PREPL: variants seen among roughly 807,000 people sequenced by gnomAD.
PREPL encodes prolyl endopeptidase like, also known as prolyl endopeptidase-like.
A neutral mutation model predicts 70.6 loss-of-function variants in PREPL; 77 were observed. That is an observed-to-expected ratio of 1.09 (90% CI 0.91 to 1.32). The LOEUF is 1.32. PREPL is among the 40% of genes most tolerant of loss of function. The probability of loss-of-function intolerance (pLI) is 0.00; values close to 1 mark genes in which losing one functional copy is unlikely to be tolerated. For synonymous variants in PREPL, 315 were observed against 264.8 expected, an observed-to-expected ratio of 1.19 and a Z score of -1.84; for missense variants, 1,002 against 778.2, an observed-to-expected ratio of 1.29 and a Z score of -3.42.
At chr2:44,343,540 A>T (rs758765680) in intron 4 of PREPL, among the ~76,000 whole-genome samples, 73 of 151,890 alleles carry the variant, frequency 4.8e-4, no homozygotes, top group Non-Finnish European at 7.4e-4. Flanking sequence ...TTTTAAAAAC[A>T]TGAGTATTTT....
In PREPL at chr2:44,317,717, A is replaced by G. The variant is rs1218366844; in HGVS notation, c.*3639T>C. 2 of 152,444 alleles carry G rather than the reference A, an allele frequency of 1.3e-5. No individual in the cohort carries two copies. The highest frequency in any genetic ancestry group is 2.9e-5 in the Non-Finnish European group (2 of 68,212). The allele number at this position is 152,444 out of a possible 1,614,324, so 9.4% of individuals were successfully genotyped here. A position where few individuals can be genotyped will look rare whatever the true frequency, so the allele number is the denominator to read the frequency against. ...AATATAACAATTTTCAAATTTTCAA[A>G]GAATACTAGAAGAAAAAAATTATAC... On this transcript the variant is annotated 3_prime_UTR_variant, in exon 14 of 14. Coordinates refer to ENST00000409411, the MANE Select transcript of PREPL (RefSeq NM_001171613.2).
chr2:44,338,514 G>A lies in PREPL; in HGVS notation c.725C>T (p.Thr242Ile). 2 of 1,610,862 alleles carry A rather than the reference G, an allele frequency of 1.2e-6. No homozygotes were observed. The highest frequency in any genetic ancestry group is 1.1e-5 in the South Asian group (1 of 90,476). ...TAAATCCCAATTCATAATTGCAGGG[G>A]TATCAGCCGCTGTTCTCATTAGCTA... ...EFKLMRTAAD[T>I]PAIMNWDLFF... Residue 242 changes from threonine (T) to isoleucine (I), a missense_variant, in exon 7 of 14, where the codon ACC becomes ATC. Coordinates refer to ENST00000409411, the MANE Select transcript of PREPL (RefSeq NM_001171613.2).
chr2:44,324,456 C>G (rs989786235), intron 10 of PREPL, among the ~76,000 whole-genome samples: 2 of 152,086 alleles, frequency 1.3e-5, no homozygotes, highest in Admixed American at 6.5e-5. Flanking sequence ...GGAATAAAGT[C>G]TTTTTGACCA....
intron 1 of PREPL, chr2:44,356,089 T>C (rs563334382): frequency 1.3e-5 from 2 of 152,270 alleles, no homozygotes; most frequent in South Asian, 4.1e-4. Context: ...TAATGTAAAA[T>C]GGAAAGCAGA....
At chr2:44,342,004 A>G (rs1411418513) in intron 5 of PREPL, among the ~76,000 whole-genome samples, 1 of 152,126 alleles carries the variant, frequency 6.6e-6, no homozygotes, top group South Asian at 2.1e-4. Flanking sequence ...TGAAAGAGAG[A>G]TACCTATCTA....
chr2:44,359,056 A>G (rs2104260082), intron 1 of PREPL, among the ~76,000 whole-genome samples: 1 of 146,588 alleles, frequency 6.8e-6, no homozygotes, highest in South Asian at 2.2e-4. Context: ...CCCTATAAAT[A>G]TATGTATACA....
At chr2:44,344,755 A>G (rs765282191) in intron 2 of PREPL, among the ~76,000 whole-genome samples, 169 bp from the exon 3 acceptor site, 3 of 152,256 alleles carry the variant, frequency 2.0e-5, no homozygotes, top group Non-Finnish European at 4.4e-5. Flanking sequence ...AATGTAGTTG[A>G]TAAGATATGG....
At position 44,321,372 on chromosome 2, in the gene PREPL, T is replaced by G; in HGVS notation, c.1901A>C (p.Lys634Thr). ...TGCAGTGTTTCAGAATTTCAGGTAT[T>G]TCTTAAGATCCTCGAAAACACTGGT... ...DSTSVFEDLK[K>T]YLKF is the part of the protein sequence containing the mutation. Residue 634 changes from lysine (K) to threonine (T), a missense_variant, in exon 14 of 14, where the codon AAA (lysine) becomes ACA (threonine). Transcript: ENST00000409411. 1 of 1,608,772 alleles carries G rather than the reference T, an allele frequency of 6.2e-7. No homozygotes were observed. The highest frequency in any genetic ancestry group is 8.5e-7 in the Non-Finnish European group (1 of 1,175,372).
chr2:44,338,560 CAT>C, intron 6 of PREPL, 24 bp from the exon 7 acceptor site: 1 of 1,571,536 alleles, frequency 6.4e-7, no homozygotes, highest in Non-Finnish European at 8.6e-7. Context: ...AGTTAGAAGA[CAT>C]ATAGGTAAGA....
intron 6 of PREPL, 96 bp from the exon 7 acceptor site, chr2:44,338,632 T>C: frequency 9.9e-7 from 1 of 1,007,138 alleles, no homozygotes; most frequent in Non-Finnish European, 1.4e-6. Flanking sequence ...ATACTAGTCC[T>C]CACTGTTTTA....
At chr2:44,350,611 A>C (rs1460792074) in intron 1 of PREPL, among the ~76,000 whole-genome samples, 6 of 152,148 alleles carry the variant, frequency 3.9e-5, no homozygotes, top group African/African-American at 1.4e-4. Context: ...TTTGCTGTTA[A>C]CTCATTTTAT....
chr2:44,327,464 G>A (rs1426794735), intron 9 of PREPL, among the ~76,000 whole-genome samples: 1 of 152,120 alleles, frequency 6.6e-6, no homozygotes, highest in Admixed American at 6.5e-5. Flanking sequence ...GAGTTGTGAA[G>A]GAAAAATTTG....
chr2:44,325,211 G>C (rs1291395629), intron 10 of PREPL, among the ~76,000 whole-genome samples: 1 of 152,198 alleles, frequency 6.6e-6, no homozygotes, highest in Non-Finnish European at 1.5e-5. Context: ...TGTGACTTGG[G>C]TCTATCAACC....
At chr2:44,361,027 G>GT (rs1193273988) in intron 1 of PREPL, among the ~76,000 whole-genome samples, 2 of 151,996 alleles carry the variant, frequency 1.3e-5, no homozygotes, top group African/African-American at 4.8e-5. Flanking sequence ...GCCGACACTA[G>GT]TAAAAAAAGG....
intron 1 of PREPL, among the ~76,000 whole-genome samples, chr2:44,353,749 A>G (rs1316036624): frequency 6.6e-6 from 1 of 152,230 alleles, no homozygotes; most frequent in East Asian, 1.9e-4. Context: ...GGACACCAAG[A>G]CAATTCAATG....
intron 1 of PREPL, chr2:44,359,729 C>T: frequency 6.5e-7 from 1 of 1,548,870 alleles, no homozygotes; most frequent in East Asian, 2.2e-5. Flanking sequence ...ATCAAAGTCC[C>T]TGGTTTATGC....
intron 1 of PREPL, among the ~76,000 whole-genome samples, chr2:44,348,958 A>G (rs72804946): frequency 0.024 from 3,676 of 152,282 alleles, 57 homozygotes; most frequent in Non-Finnish European, 0.039. Flanking sequence ...ATCTTAGTCC[A>G]GTTGTTTCAA....
Position 44,318,595 on chromosome 2 carries a change from CAT to C in PREPL, c.*2759_*2760del, listed in dbSNP as rs1491587191. ...AACTGTGTAAAGAAAAATATATAAA[CAT>C]ATGAAATGATACATTCTGTGCCTAT... On this transcript the variant is annotated 3_prime_UTR_variant, in exon 14 of 14. Coordinates refer to ENST00000409411, the MANE Select transcript of PREPL (RefSeq NM_001171613.2). 1,626 of 154,488 alleles carry C rather than the reference CAT, an allele frequency of 0.011. No homozygotes were observed. The highest frequency in any genetic ancestry group is 0.023 in the Middle Eastern group (7 of 300). The allele number at this position is 154,488 out of a possible 1,614,324, so 9.6% of individuals were successfully genotyped here.
chr2:44,333,860 A>C (rs1674370063), intron 7 of PREPL, among the ~76,000 whole-genome samples: 1 of 152,200 alleles, frequency 6.6e-6, no homozygotes, highest in Admixed American at 6.5e-5. Context: ...CACTGCTACA[A>C]ACCTCATAAC....
Sources: allele counts gnomAD v4.1 joint callset (sites outside exome capture counted in the v4.1 genomes callset), GRCh38; gene constraint gnomAD v4.1.1; transcripts MANE v1.5; gene names NCBI Gene and HGNC (gene_info 2026-07-23, HGNC 2026-07-21).